The following PGGT1B variants were observed in gnomAD, a reference collection of about 807,000 sequenced individuals.
The protein encoded by PGGT1B is protein geranylgeranyltransferase type I subunit beta, also known as geranylgeranyl transferase type-1 subunit beta.
PGGT1B carries 30 observed loss-of-function variants against 46.1 expected under a neutral mutation model. That is an observed-to-expected ratio of 0.65 (90% CI 0.49 to 0.88). PGGT1B has a LOEUF of 0.88. Ranked by LOEUF, PGGT1B falls within the 40% of genes least tolerant of loss-of-function variation. The pLI, the probability that PGGT1B is intolerant of heterozygous loss-of-function variation, is 0.00. For missense variants in PGGT1B, 376 were observed against 455.9 expected (o/e 0.82, Z 1.60); for synonymous variants, 170 against 160.0 (o/e 1.06, Z -0.47).
intron 5 of PGGT1B, 102 bp downstream of exon 5, chr5:115,236,288 A>T: frequency 1.2e-6 from 1 of 839,710 alleles, no homozygotes; most frequent in Non-Finnish European, 1.9e-6. Context: ...TAATGCTCTT[A>T]TTTACAAATT....
Position 115,211,005 on chromosome 5 carries a change from T to TC in PGGT1B, c.*1396dup, listed in dbSNP as rs1488111782. ...GGACTGTTATTTCACAACATTTTTT[T>TC]CCCTCTGATTTAGAAAAAAAGATAA... On this transcript the variant is annotated 3_prime_UTR_variant, in exon 9 of 9. Coordinates refer to ENST00000419445, the MANE Select transcript of PGGT1B (RefSeq NM_005023.4). 3.3e-5 allele frequency: 5 copies of TC among 152,098 alleles called. No individual in the cohort carries two copies. In the East Asian group the frequency reaches 9.6e-4, roughly 29 times the overall value. The allele number at this position is 152,098 out of a possible 1,614,324, so 9.4% of individuals were successfully genotyped here.
At position 115,252,436 on chromosome 5, in the gene PGGT1B, C is replaced by T. The variant is rs938473476; in HGVS notation, c.259+701G>A. Among the ~76,000 whole-genome samples the T allele has an allele frequency of 7.3e-5, 11 of 151,722 alleles. No individual in the cohort carries two copies. The South Asian group carries it at 1.7e-3, about 23-fold the overall frequency. The stretch of plus-strand genomic sequence containing the variant: ...ATTTACATATGATTACTCTAACCAA[C>T]GAACCACAAAAAAAAACAAGCATGA... On this transcript the variant is annotated intron_variant, in intron 2 of 8. Transcript: ENST00000419445.
chr5:115,237,105 G>A (rs1757207318), intron 4 of PGGT1B, among the ~76,000 whole-genome samples: 1 of 152,148 alleles, frequency 6.6e-6, no homozygotes, highest in Admixed American at 6.5e-5. Flanking sequence ...AGTCATATAT[G>A]TACTGGATGA....
chr5:115,248,106 C>G (rs937942471), intron 2 of PGGT1B, among the ~76,000 whole-genome samples: 2 of 152,154 alleles, frequency 1.3e-5, no homozygotes, highest in African/African-American at 4.8e-5. Context: ...ACATTTTACC[C>G]TTTAATATTA....
intron 6 of PGGT1B, among the ~76,000 whole-genome samples, chr5:115,228,051 A>T (rs764559054): frequency 1.8e-4 from 27 of 152,200 alleles, no homozygotes; most frequent in African/African-American, 5.3e-4. Flanking sequence ...AAATTTTTTT[A>T]AAAAATCAAT....
chr5:115,234,469 T>C (rs932591314), intron 5 of PGGT1B, among the ~76,000 whole-genome samples: 3 of 151,982 alleles, frequency 2.0e-5, no homozygotes, highest in African/African-American at 7.2e-5. Context: ...AAGAACCAAA[T>C]TAGTTTTTCA....
At chr5:115,260,022 T>C (rs958995285) in intron 1 of PGGT1B, among the ~76,000 whole-genome samples, 1 of 152,148 alleles carries the variant, frequency 6.6e-6, no homozygotes, top group African/African-American at 2.4e-5. Flanking sequence ...AAAAGAAACC[T>C]GGTAATTGAT....
rs182992250 is a variant in PGGT1B at position 115,242,574 on chromosome 5, G to A, written c.260-968C>T. Among the ~76,000 whole-genome samples the A allele has an allele frequency of 7.9e-5, 12 of 152,146 alleles. No homozygotes were observed. In the East Asian group the frequency reaches 2.3e-3, roughly 29 times the overall value. ...TTATCCCCCCAAAAAACTTAAAATA[G>A]TAGCTTATACATTAATTCTTTGAAC... On this transcript the variant is annotated intron_variant, in intron 2 of 8. Coordinates refer to ENST00000419445, the MANE Select transcript of PGGT1B (RefSeq NM_005023.4).
In PGGT1B at chr5:115,205,623, C is replaced by T. The variant is rs1170071980; in HGVS notation, c.*6779G>A. 6.6e-6 allele frequency: 1 copy of T among 151,938 alleles called. No homozygotes were observed. Among genetic ancestry groups the T allele is most frequent in the East Asian group, 1.9e-4 (1 of 5,180 alleles). 9.4% of individuals were successfully genotyped at this position (151,938 alleles called of 1,614,324 possible). On this transcript the variant is annotated 3_prime_UTR_variant, in exon 9 of 9. Coordinates refer to ENST00000419445, the MANE Select transcript of PGGT1B (RefSeq NM_005023.4). ...ATATTTGGAATTCAGATTTATAATT[C>T]GTAAATGAGTTTGAGGAACGAAGCC...
At chr5:115,227,471 T>C (rs1756824969) in intron 6 of PGGT1B, among the ~76,000 whole-genome samples, 2 of 152,140 alleles carry the variant, frequency 1.3e-5, no homozygotes, top group African/African-American at 4.8e-5. Context: ...ATACTTGTCA[T>C]CCAAATTCTT....
In PGGT1B at chr5:115,216,919, A is replaced by G. The variant is rs369287029; in HGVS notation, c.898T>C (p.Ser300Pro). Residue 300 changes from serine (S) to proline (P), a missense_variant, in exon 8 of 9, where the codon TCA becomes CCA. Around this residue, in one of 2 missense-constraint regions of PGGT1B, gnomAD observed 222 missense variants for 313.6 expected, o/e 0.71. Transcript: ENST00000419445. ...NFEKNRNYIL[S>P]TQDRLVGGFA... ...CCCCCTACAAGGCGATCTTGAGTTGATAAGATGTAATTTCTATTTTTCTCA... is the reference window on the plus strand; with the variant it reads ...CCCCCTACAAGGCGATCTTGAGTTGGTAAGATGTAATTTCTATTTTTCTCA... 2 of 1,594,602 alleles carry G rather than the reference A, an allele frequency of 1.3e-6. No individual in the cohort carries two copies. Among genetic ancestry groups the G allele is most frequent in the Non-Finnish European group, 8.6e-7 (1 of 1,164,606 alleles).
At chr5:115,244,719 T>C (rs897154360) in intron 2 of PGGT1B, among the ~76,000 whole-genome samples, 5 of 151,878 alleles carry the variant, frequency 3.3e-5, no homozygotes, top group Non-Finnish European at 5.9e-5. Flanking sequence ...GCCTCCCAAA[T>C]AGCTAGGACT....
chr5:115,234,215 C>CA (rs34000456), intron 5 of PGGT1B, among the ~76,000 whole-genome samples: 2,663 of 140,054 alleles, frequency 0.019, 42 homozygotes, highest in Middle Eastern at 0.048. Context: ...AAGCAAACAG[C>CA]AAAAAAAAAA....
intron 1 of PGGT1B, among the ~76,000 whole-genome samples, chr5:115,257,056 A>G (rs1372377981): frequency 2.0e-5 from 3 of 152,186 alleles, no homozygotes; most frequent in Non-Finnish European, 2.9e-5. Context: ...AACAATATGT[A>G]TAAGAAGTTT....
chr5:115,235,048 C>T (rs1187105444), intron 5 of PGGT1B, among the ~76,000 whole-genome samples: 2 of 151,874 alleles, frequency 1.3e-5, no homozygotes, highest in Non-Finnish European at 1.5e-5. Context: ...TGACTGATTC[C>T]AGAGCTGAGG....
At chr5:115,261,370 T>G (rs1748549003) in intron 1 of PGGT1B, among the ~76,000 whole-genome samples, 1 of 152,342 alleles carries the variant, frequency 6.6e-6, no homozygotes, top group East Asian at 1.9e-4. Context: ...TATTTCTTAG[T>G]GCTTCTCAGA....
intron 2 of PGGT1B, chr5:115,252,936 A>G (rs17137580): frequency 0.032 from 16,295 of 511,892 alleles, 320 homozygotes; most frequent in Middle Eastern, 0.087. Flanking sequence ...AATTCCAGAT[A>G]ACTCTAAATT....
At chr5:115,221,104 A>T (rs2126994309) in intron 7 of PGGT1B, among the ~76,000 whole-genome samples, 1 of 152,124 alleles carries the variant, frequency 6.6e-6, no homozygotes, top group Non-Finnish European at 1.5e-5. Flanking sequence ...TTCTTTTCCA[A>T]ATTTTTTTCA....
intron 1 of PGGT1B, among the ~76,000 whole-genome samples, chr5:115,261,449 T>C (rs7703101): frequency 0.12 from 18,841 of 152,200 alleles, 1,407 homozygotes; most frequent in African/African-American, 0.21. Flanking sequence ...AATGTTGAAA[T>C]AGAAACAATT....
Sources: gnomAD v4.1 joint callset for allele counts (sites outside exome capture counted in the v4.1 genomes callset) on GRCh38, gnomAD v4.1.1 for gene constraint, gnomAD v4.1.1 regional missense constraint, MANE v1.5 for transcripts, NCBI Gene and HGNC (gene_info 2026-07-23, HGNC 2026-07-21) for gene names.